Variants in NPEPL1 observed in about 807,000 individuals in gnomAD.
NPEPL1 encodes aminopeptidase like 1.
A neutral mutation model predicts 52.4 loss-of-function variants in NPEPL1; 45 were observed. The ratio of observed to expected loss-of-function variants is 0.86; its 90% CI spans 0.68 to 1.10. NPEPL1 has a LOEUF of 1.10. Ranked by LOEUF, NPEPL1 falls within the 50% of genes least tolerant of loss-of-function variation. The pLI, the probability that NPEPL1 is intolerant of heterozygous loss-of-function variation, is 0.00. For missense variants in NPEPL1, 696 were observed against 710.9 expected (o/e 0.98, Z 0.24); for synonymous variants, 360 against 314.7 (o/e 1.14, Z -1.52).
intron 6 of NPEPL1, chr20:58,704,135 G>C: frequency 2.0e-6 from 2 of 985,340 alleles, no homozygotes; most frequent in Non-Finnish European, 2.4e-6. Context: ...ACCTGAAGGC[G>C]CTCACAATCT....
chr20:58,704,344 T>G (rs886091313), intron 6 of NPEPL1: 7 of 985,318 alleles, frequency 7.1e-6, no homozygotes, highest in South Asian at 4.7e-5. Flanking sequence ...AAGACCAGCC[T>G]GGACTAGCAG....
chr20:58,712,591 C>A lies in NPEPL1; in HGVS notation c.1001+12C>A. The A allele has an allele frequency of 6.4e-7, 1 of 1,568,208 alleles. No homozygotes were observed. The highest frequency in any genetic ancestry group is 8.8e-7 in the Non-Finnish European group (1 of 1,138,558). On this transcript the variant is annotated intron_variant, in intron 8 of 11. Coordinates refer to ENST00000356091, the MANE Select transcript of NPEPL1 (RefSeq NM_024663.4). ...CTGTACTCAGGGAAGTACGTCTGGC[C>A]CTCCCACTCCTTCCTGCCCACTGTT...
At chr20:58,696,194 T>A (rs1489098845) in intron 3 of NPEPL1, among the ~76,000 whole-genome samples, 1 of 152,212 alleles carries the variant, frequency 6.6e-6, no homozygotes, top group Non-Finnish European at 1.5e-5. Flanking sequence ...CTTCCCCTCC[T>A]GTGGACTTCC....
intron 11 of NPEPL1, 106 bp downstream of exon 11, chr20:58,714,776 C>A: frequency 1.1e-6 from 1 of 894,804 alleles, no homozygotes; most frequent in Non-Finnish European, 1.7e-6. Context: ...AAACTTCTGT[C>A]TGTGACCCAG....
intron 7 of NPEPL1, 106 bp downstream of exon 7, chr20:58,707,306 G>A (rs572679067): frequency 1.5e-5 from 16 of 1,063,048 alleles, no homozygotes; most frequent in Admixed American, 7.4e-5. Context: ...GGTCCTACCC[G>A]AGTCTCCCCA....
In NPEPL1 at chr20:58,715,282, G is replaced by C; in HGVS notation, c.1528G>C (p.Glu510Gln). Residue 510 changes from glutamate to glutamine, a missense_variant, in exon 12 of 12, where the codon GAG becomes CAG. Transcript: ENST00000356091. ...ACTGGGCTGTGAGGTGGATGTCGAG[G>C]AGGGGGACCTGGGGAGGGACTCCAA... ...SPLGCEVDVE[E>Q]GDLGRDSKRR... 4.3e-6 allele frequency: 7 copies of C among 1,611,562 alleles called. No homozygotes were observed. Among genetic ancestry groups the C allele is most frequent in the Non-Finnish European group, 5.9e-6 (7 of 1,179,284 alleles).
In NPEPL1 at chr20:58,713,522, G is replaced by T. The variant is rs368405305; in HGVS notation, c.1104G>T (p.Met368Ile). The change falls in exon 9 of 12, where the codon ATG becomes ATT. Residue 368 changes from methionine (M) to isoleucine (I), a missense_variant. Met to Ile is a conservative substitution (Grantham distance 10). Transcript: ENST00000356091. This position sits in a 1 kb window ranked among gnomAD's most constrained non-coding sequence, Gnocchi z 4.6. ...TGGGGGCCGACATCATCCTGGACATGGCCACCCTGACCGGGGCTCAGGTGA... is the reference window on the plus strand; with the variant it reads ...TGGGGGCCGACATCATCCTGGACATTGCCACCCTGACCGGGGCTCAGGTGA... ...KDLGADIILD[M>I]ATLTGAQGIA... is the part of the protein sequence containing the mutation. 2 of 1,609,294 alleles carry T rather than the reference G, an allele frequency of 1.2e-6. No individual in the cohort carries two copies. The highest frequency in any genetic ancestry group is 1.7e-6 in the Non-Finnish European group (2 of 1,177,676).
At chr20:58,693,710 G>A (rs374675027) in intron 1 of NPEPL1, 27 bp from the exon 2 acceptor site, 33 of 1,581,182 alleles carry the variant, frequency 2.1e-5, no homozygotes, top group Non-Finnish European at 2.8e-5. Context: ...TGAAGCCTCT[G>A]TGTCTTGTCT....
chr20:58,712,927 G>C (rs538108269), intron 8 of NPEPL1: 1 of 397,380 alleles, frequency 2.5e-6, no homozygotes, highest in Non-Finnish European at 4.8e-6. Context: ...GACACCTCCT[G>C]CATCTCCCCC....
At chr20:58,712,216 C>T (rs1257222458) in intron 7 of NPEPL1, among the ~76,000 whole-genome samples, 1 of 152,196 alleles carries the variant, frequency 6.6e-6, no homozygotes, top group African/African-American at 2.4e-5. Flanking sequence ...CCAAGAGTCC[C>T]ACAGCCCAGC....
At chr20:58,707,334 C>T (rs76079878) in intron 7 of NPEPL1, 134 bp downstream of exon 7, 3 of 836,578 alleles carry the variant, frequency 3.6e-6, no homozygotes, top group Non-Finnish European at 3.6e-6. Flanking sequence ...CTTGTCCCCC[C>T]TCTGCCCCCA....
intron 6 of NPEPL1, among the ~76,000 whole-genome samples, chr20:58,702,330 G>A (rs1324692347): frequency 6.6e-6 from 1 of 152,188 alleles, no homozygotes; most frequent in African/African-American, 2.4e-5. Context: ...GTTTGCGGTA[G>A]GCCCCACCAC....
intron 3 of NPEPL1, among the ~76,000 whole-genome samples, chr20:58,697,136 CAG>C (rs1449985752): frequency 6.6e-6 from 1 of 152,248 alleles, no homozygotes; most frequent in African/African-American, 2.4e-5. Flanking sequence ...TCTGAATTCT[CAG>C]AGTCTTGCAC....
Position 58,715,495 on chromosome 20 carries a change from G to C in NPEPL1, c.*169G>C. 1 of 674,504 alleles carries C rather than the reference G, an allele frequency of 1.5e-6. No individual in the cohort carries two copies. Among genetic ancestry groups the C allele is most frequent in the Non-Finnish European group, 2.3e-6 (1 of 428,278 alleles). 41.8% of individuals were successfully genotyped at this position (674,504 alleles called of 1,614,324 possible). Reference sequence around the variant, plus strand: ...TAGGAGACAGCTTAGGGTTTGGTGCGGGCCACGGGGAGGGGACCGGGAAGC... The same window carrying C: ...TAGGAGACAGCTTAGGGTTTGGTGCCGGCCACGGGGAGGGGACCGGGAAGC... On this transcript the variant is annotated 3_prime_UTR_variant, in exon 12 of 12. Coordinates refer to ENST00000356091, the MANE Select transcript of NPEPL1 (RefSeq NM_024663.4).
Position 58,707,734 on chromosome 20 carries a change from C to T in NPEPL1, c.900+534C>T, listed in dbSNP as rs555104299. Among the ~76,000 whole-genome samples, 377 of 151,960 alleles carry T rather than the reference C, an allele frequency of 2.5e-3. 1 individual carries two copies. The highest frequency in any genetic ancestry group is 8.8e-3 in the African/African-American group (366 of 41,412). On this transcript the variant is annotated intron_variant, in intron 7 of 11. Coordinates refer to ENST00000356091, the MANE Select transcript of NPEPL1 (RefSeq NM_024663.4). Reference sequence around the variant, plus strand: ...GGGGCGTGGGGGGGGTGGGGGGTGACCTTGAGTGACCTTCCCATGGAGCCC... The same window carrying T: ...GGGGCGTGGGGGGGGTGGGGGGTGATCTTGAGTGACCTTCCCATGGAGCCC...
At chr20:58,707,640 C>A (rs568807604) in intron 7 of NPEPL1, among the ~76,000 whole-genome samples, 10 of 151,944 alleles carry the variant, frequency 6.6e-5, no homozygotes, top group Non-Finnish European at 4.4e-5. Flanking sequence ...CCTGGCCAGG[C>A]CCCCTTCCTC....
intron 3 of NPEPL1, among the ~76,000 whole-genome samples, chr20:58,697,542 G>A (rs1030954831): frequency 4.6e-5 from 7 of 152,248 alleles, no homozygotes; most frequent in Non-Finnish European, 8.8e-5. Flanking sequence ...CCAGGCTGCA[G>A]TATCGACCCG....
rs2084894939 is a variant in NPEPL1 at position 58,713,431 on chromosome 20, TCAA to T, written c.1019_1021del (p.Asn340del). The T allele has an allele frequency of 6.2e-7, 1 of 1,607,466 alleles. No homozygotes were observed. The highest frequency in any genetic ancestry group is 8.5e-7 in the Non-Finnish European group (1 of 1,176,996). On this transcript the variant is annotated inframe_deletion, in exon 9 of 12. Transcript: ENST00000356091. This position sits in a 1 kb window ranked among gnomAD's most constrained non-coding sequence, Gnocchi z 4.6. ...CTACCATGCCCCAGGACGGTGGAAA[TCAA>T]CAACACGGATGCCGAGGGCAGGCTG...
intron 3 of NPEPL1, among the ~76,000 whole-genome samples, chr20:58,697,097 C>T (rs1316843230): frequency 6.6e-6 from 1 of 152,254 alleles, no homozygotes; most frequent in Non-Finnish European, 1.5e-5. Flanking sequence ...TACTGTGAGT[C>T]TCTGCTGAGC....
Sources: allele counts gnomAD v4.1 joint callset (sites outside exome capture counted in the v4.1 genomes callset), GRCh38; gene constraint gnomAD v4.1.1; non-coding constraint Gnocchi (gnomAD v3.1); transcripts MANE v1.5; gene names NCBI Gene and HGNC (gene_info 2026-07-23, HGNC 2026-07-21).